TMTC2: variants seen among roughly 807,000 people sequenced by gnomAD.
TMTC2 encodes the protein protein O-mannosyl-transferase TMTC2.
In TMTC2, 43 loss-of-function variants were observed where a neutral mutation model predicts 82.4. The observed-to-expected ratio is 0.52, with a 90% CI of 0.41 to 0.67. The LOEUF is 0.67. Ranked by LOEUF, TMTC2 falls within the 30% of genes least tolerant of loss-of-function variation. The pLI, the probability that TMTC2 is intolerant of heterozygous loss-of-function variation, is 0.00. For synonymous variants in TMTC2, 408 were observed against 381.9 expected (o/e 1.07, Z -0.80); for missense variants, 919 against 1,012.4 (o/e 0.91, Z 1.25).
intron 1 of TMTC2, among the ~76,000 whole-genome samples, chr12:82,799,714 T>C (rs2137034110): frequency 6.6e-6 from 1 of 152,298 alleles, no homozygotes; most frequent in Non-Finnish European, 1.5e-5. Flanking sequence ...TCTCTCTGCA[T>C]GTGTGTCTGT....
chr12:82,923,356 T>C (rs1286248483), intron 3 of TMTC2, among the ~76,000 whole-genome samples: 1 of 152,200 alleles, frequency 6.6e-6, no homozygotes, highest in African/African-American at 2.4e-5. Context: ...TTTTTTATTG[T>C]TGCTTTGCAG....
intron 11 of TMTC2, among the ~76,000 whole-genome samples, chr12:83,099,676 G>T (rs182968457): frequency 4.6e-5 from 7 of 151,662 alleles, no homozygotes; most frequent in Admixed American, 2.6e-4. Flanking sequence ...GCCTATTCTT[G>T]TTCTTCATCA....
chr12:82,977,858 C>T (rs559206637), intron 7 of TMTC2, among the ~76,000 whole-genome samples: 8 of 151,674 alleles, frequency 5.3e-5, no homozygotes, highest in African/African-American at 1.9e-4. Flanking sequence ...AGACAACAAA[C>T]TGAATACTGA....
At chr12:82,816,689 G>A (rs901314174) in intron 1 of TMTC2, among the ~76,000 whole-genome samples, 4 of 152,072 alleles carry the variant, frequency 2.6e-5, no homozygotes, top group African/African-American at 9.7e-5. Context: ...ATTAGGAGGA[G>A]AGGAATTTTT....
chr12:82,796,421 A>G (rs960481158), intron 1 of TMTC2, among the ~76,000 whole-genome samples: 76 of 152,286 alleles, frequency 5.0e-4, no homozygotes, highest in African/African-American at 1.8e-3. Flanking sequence ...ATTTCAAGAA[A>G]AGCTAGTGGC....
chr12:82,706,884 A>T (rs543203196), intron 1 of TMTC2, among the ~76,000 whole-genome samples: 1 of 152,206 alleles, frequency 6.6e-6, no homozygotes, highest in Non-Finnish European at 1.5e-5. Flanking sequence ...AGAGGAGGAG[A>T]GGTGAGATGT....
intron 3 of TMTC2, among the ~76,000 whole-genome samples, chr12:82,907,333 C>T (rs1874377559): frequency 6.6e-6 from 1 of 151,490 alleles, no homozygotes; most frequent in African/African-American, 2.4e-5. Flanking sequence ...CGTGGTGGTG[C>T]GCGCCTATAG....
chr12:82,706,046 TGCCTGTATTCCCAGCA>T (rs1407753598), intron 1 of TMTC2, among the ~76,000 whole-genome samples: 1 of 152,146 alleles, frequency 6.6e-6, no homozygotes, highest in Admixed American at 6.6e-5. Flanking sequence ...AGGTGGCTCC[TGCCTGTATTCCCAGCA>T]CCCTGGGAGG....
intron 11 of TMTC2, among the ~76,000 whole-genome samples, chr12:83,083,230 G>A (rs1052048466): frequency 2.6e-5 from 4 of 152,286 alleles, no homozygotes; most frequent in Admixed American, 6.5e-5. Flanking sequence ...AGTCAGTTCC[G>A]CCTGCCAAGC....
chr12:83,035,871 G>C (rs554289050), intron 9 of TMTC2, among the ~76,000 whole-genome samples: 1 of 152,216 alleles, frequency 6.6e-6, no homozygotes, highest in African/African-American at 2.4e-5. Context: ...AGTAAATTTG[G>C]TGTCAATTGA....
At chr12:82,988,133 A>C (rs1195216917) in intron 8 of TMTC2, among the ~76,000 whole-genome samples, 1 of 152,198 alleles carries the variant, frequency 6.6e-6, no homozygotes, top group Admixed American at 6.5e-5. Flanking sequence ...CTAAGCTTTT[A>C]ATGAATAAAA....
chr12:82,852,345 G>A (rs557924160), intron 1 of TMTC2, among the ~76,000 whole-genome samples: 1 of 152,078 alleles, frequency 6.6e-6, no homozygotes, highest in East Asian at 1.9e-4. Context: ...CTGACCTCGT[G>A]ATCCATCGTC....
intron 1 of TMTC2, among the ~76,000 whole-genome samples, chr12:82,740,484 A>G (rs901649658): frequency 4.6e-5 from 7 of 152,180 alleles, no homozygotes; most frequent in African/African-American, 1.2e-4. Context: ...GGTGTGAAGG[A>G]TCCGCAGGGA....
At chr12:82,873,547 A>G (rs1241592115) in intron 2 of TMTC2, among the ~76,000 whole-genome samples, 1 of 152,092 alleles carries the variant, frequency 6.6e-6, no homozygotes, top group African/African-American at 2.4e-5. Context: ...TTACATTAGC[A>G]TTTGATTGCT....
intron 1 of TMTC2, among the ~76,000 whole-genome samples, chr12:82,796,259 A>G (rs934680235): frequency 2.0e-5 from 3 of 152,158 alleles, no homozygotes; most frequent in Non-Finnish European, 2.9e-5. Context: ...TAGTGAGGGA[A>G]GAACATAGAG....
chr12:82,899,299 T>A (rs1283062022), intron 3 of TMTC2, among the ~76,000 whole-genome samples: 1 of 151,948 alleles, frequency 6.6e-6, no homozygotes, highest in Non-Finnish European at 1.5e-5. Context: ...GAATCTCCAT[T>A]TCCCCAGCAG....
intron 1 of TMTC2, among the ~76,000 whole-genome samples, chr12:82,837,121 T>C (rs1283459790): frequency 6.6e-6 from 1 of 152,212 alleles, no homozygotes; most frequent in East Asian, 1.9e-4. Flanking sequence ...TTGGAGCCTC[T>C]CATTGAGATA....
At chr12:82,977,345 C>G (rs1878718573) in intron 7 of TMTC2, among the ~76,000 whole-genome samples, 1 of 151,560 alleles carries the variant, frequency 6.6e-6, no homozygotes, top group Non-Finnish European at 1.5e-5. Context: ...ACTAGATACT[C>G]AAATATTAGA....
chr12:82,822,408 A>G (rs1869167458), intron 1 of TMTC2, among the ~76,000 whole-genome samples: 1 of 152,218 alleles, frequency 6.6e-6, no homozygotes, highest in Non-Finnish European at 1.5e-5. Flanking sequence ...CAGGGAGTAT[A>G]TGGGAGCTCT....
Sources: gnomAD v4.1 joint callset for allele counts (sites outside exome capture counted in the v4.1 genomes callset) on GRCh38, gnomAD v4.1.1 for gene constraint, MANE v1.5 for transcripts, NCBI Gene and HGNC (gene_info 2026-07-23, HGNC 2026-07-21) for gene names.